The following SAMMSON variants were observed in gnomAD, a reference collection of about 807,000 sequenced individuals.
SAMMSON encodes the protein long intergenic non-protein coding RNA 1212.
At chr3:70,129,687 A>G (rs1202962469) in intron 4 of SAMMSON, among the ~76,000 whole-genome samples, 1 of 152,180 alleles carries the variant, frequency 6.6e-6, no homozygotes, top group African/African-American at 2.4e-5. Flanking sequence ...AATTAAACAT[A>G]TCTCTGAGCT....
intron 7 of SAMMSON, among the ~76,000 whole-genome samples, chr3:70,297,662 T>G (rs964056352): frequency 6.6e-6 from 1 of 152,130 alleles, no homozygotes; most frequent in African/African-American, 2.4e-5. Context: ...CTCCCTTATG[T>G]AAAACGAGGA....
chr3:70,125,362 G>C, intron 4 of SAMMSON: 1 of 1,456,204 alleles, frequency 6.9e-7, no homozygotes, highest in African/African-American at 1.4e-5. Flanking sequence ...AAATTCTACA[G>C]TTTGGTTCAC....
chr3:70,241,322 G>C (rs1271820181), intron 4 of SAMMSON, among the ~76,000 whole-genome samples: 1 of 152,112 alleles, frequency 6.6e-6, no homozygotes, highest in Non-Finnish European at 1.5e-5. Flanking sequence ...ACATGATGAA[G>C]AATGTGCTAT....
At chr3:70,304,268 G>T (rs1449892101) in intron 7 of SAMMSON, among the ~76,000 whole-genome samples, 1 of 152,070 alleles carries the variant, frequency 6.6e-6, no homozygotes, top group African/African-American at 2.4e-5. Context: ...CCTTCTACCA[G>T]AAATTTTATT....
At chr3:70,022,778 A>G (rs985026491) in intron 3 of SAMMSON, among the ~76,000 whole-genome samples, 54 of 152,328 alleles carry the variant, frequency 3.5e-4, no homozygotes, top group East Asian at 5.8e-4. Context: ...CTTCTAAAAG[A>G]TTCAAGTTTC....
chr3:70,283,773 G>C (rs1702112557), intron 6 of SAMMSON: 1 of 120,238 alleles, frequency 8.3e-6, no homozygotes, highest in Non-Finnish European at 1.8e-5. Flanking sequence ...CTTATTTTTT[G>C]TAAAAAAAAA....
chr3:70,267,529 A>AGTAGCTGG (rs1701928325), intron 6 of SAMMSON, among the ~76,000 whole-genome samples: 1 of 146,444 alleles, frequency 6.8e-6, no homozygotes, highest in Non-Finnish European at 1.5e-5. Context: ...CAGCTTCCCG[A>AGTAGCTGG]GTAGCTGGGA....
chr3:70,311,894 A>T (rs1702457061), intron 7 of SAMMSON: 1 of 397,718 alleles, frequency 2.5e-6, no homozygotes, highest in African/African-American at 2.1e-5. Context: ...ACCTTCTTTC[A>T]ACCAAGAAAT....
At chr3:70,125,914 T>C (rs1450796985) in intron 4 of SAMMSON, 1 of 707,600 alleles carries the variant, frequency 1.4e-6, no homozygotes, top group South Asian at 1.5e-5. Flanking sequence ...TTCCTCATCG[T>C]CTTCTGGCCA....
intron 4 of SAMMSON, among the ~76,000 whole-genome samples, chr3:70,240,336 CT>C (rs537916067): frequency 6.3e-4 from 92 of 145,946 alleles, no homozygotes; most frequent in Middle Eastern, 3.6e-3. Context: ...TAACCAATTA[CT>C]TTTTTTTTTT....
intron 4 of SAMMSON, among the ~76,000 whole-genome samples, chr3:70,202,098 T>C (rs893030049): frequency 4.6e-5 from 7 of 152,166 alleles, no homozygotes; most frequent in African/African-American, 1.7e-4. Flanking sequence ...TAGTGACTAG[T>C]GTTCTAATAG....
At chr3:70,211,505 T>TCCC (rs778190693) in intron 4 of SAMMSON, among the ~76,000 whole-genome samples, 1 of 18,502 alleles carries the variant, frequency 5.4e-5, no homozygotes, top group Non-Finnish European at 1.4e-4. Context: ...TCCCTTCCCT[T>TCCC]TGCCCTTCCC....
Position 70,245,671 on chromosome 3 carries a change from TTATATATATATA to T in SAMMSON, n.508-3403_508-3392del, listed in dbSNP as rs34480688. Among the ~76,000 whole-genome samples, 133 of 57,238 alleles carry T rather than the reference TTATATATATATA, an allele frequency of 2.3e-3. 1 individual carries two copies. The highest frequency in any genetic ancestry group is 5.2e-3 in the African/African-American group (91 of 17,432). The allele number at this position is 57,238 out of a possible 152,430, so 37.6% of individuals were successfully genotyped here. ...TTGCATAACGTTTTTGCAAACTGCT[TTATATATATATA>T]TATATATATATATATATATATATAT... On this transcript the variant is annotated intron_variant and non_coding_transcript_variant, in intron 4 of 9. Transcript: ENST00000642114.
At chr3:70,381,010 C>G (rs535628348) in intron 9 of SAMMSON, among the ~76,000 whole-genome samples, 8 of 152,210 alleles carry the variant, frequency 5.3e-5, no homozygotes, top group Admixed American at 2.6e-4. Context: ...ACATACGTGT[C>G]CATGTGTCTT....
intron 9 of SAMMSON, among the ~76,000 whole-genome samples, chr3:70,379,216 G>C (rs1051229116): frequency 3.3e-5 from 5 of 151,978 alleles, no homozygotes; most frequent in African/African-American, 1.2e-4. Flanking sequence ...GTTTCACCAG[G>C]TTGGCCAGGC....
rs79354864 is a variant in SAMMSON at position 70,003,591 on chromosome 3, A to G, written n.22+3724A>G. Among the ~76,000 whole-genome samples the G allele has an allele frequency of 4.7e-3, 715 of 151,920 alleles. 2 individuals are homozygous for G. The highest frequency in any genetic ancestry group is 0.016 in the African/African-American group (671 of 41,552). On this transcript the variant is annotated intron_variant and non_coding_transcript_variant, in intron 1 of 9. Transcript: ENST00000642114. ...CATTAGTGATAGCCACTTTAATGCT[A>G]TTTATTCTCTACTGATTAATATGAC... is the stretch of plus-strand genomic sequence containing the variant.
intron 4 of SAMMSON, among the ~76,000 whole-genome samples, chr3:70,170,864 C>G (rs1347535928): frequency 6.6e-6 from 1 of 151,896 alleles, no homozygotes; most frequent in Non-Finnish European, 1.5e-5. Context: ...AAACTCTCCA[C>G]AGTCTTTGAC....
chr3:70,263,766 T>C (rs1701889738), intron 6 of SAMMSON, among the ~76,000 whole-genome samples: 1 of 152,176 alleles, frequency 6.6e-6, no homozygotes, highest in South Asian at 2.1e-4. Context: ...CTTTCCTTCA[T>C]CTCAGTAACA....
At chr3:70,406,525 A>G (rs1201590028) in intron 2 of SAMMSON, among the ~76,000 whole-genome samples, 1 of 152,210 alleles carries the variant, frequency 6.6e-6, no homozygotes. Context: ...TAAAAATAGC[A>G]ACCATATATT....
Sources: gnomAD v4.1 joint callset for allele counts (sites outside exome capture counted in the v4.1 genomes callset) on GRCh38, gnomAD v4.1.1 for gene constraint, MANE v1.5 for transcripts, NCBI Gene and HGNC (gene_info 2026-07-23, HGNC 2026-07-21) for gene names.